The following PHYHD1 variants were observed in gnomAD, a reference collection of about 807,000 sequenced individuals.
PHYHD1 encodes phytanoyl-CoA dioxygenase domain containing 1, also known as phytanoyl-CoA dioxygenase domain-containing protein 1.
A neutral mutation model predicts 43.6 loss-of-function variants in PHYHD1; 42 were observed. The observed-to-expected ratio is 0.96, with a 90% CI of 0.75 to 1.25. The LOEUF is 1.25. PHYHD1 is among the 50% of genes most tolerant of loss of function. The pLI is 0.00. For missense variants in PHYHD1, 342 were observed against 370.8 expected (o/e 0.92, Z 0.64); for synonymous variants, 139 against 143.6 (o/e 0.97, Z 0.23).
intron 3 of PHYHD1, among the ~76,000 whole-genome samples, chr9:128,923,752 AGGTG>A (rs2131093688): frequency 6.6e-6 from 1 of 152,244 alleles, no homozygotes; most frequent in South Asian, 2.1e-4. Context: ...TGTGATGCCA[AGGTG>A]GGAGGATCGC....
At chr9:128,923,223 C>T (rs1406792082) in intron 3 of PHYHD1, among the ~76,000 whole-genome samples, 2 of 152,124 alleles carry the variant, frequency 1.3e-5, no homozygotes, top group East Asian at 1.9e-4. Context: ...GGATTACAGG[C>T]GTGAGCCACC....
At chr9:128,934,488 G>A (rs995860216) in intron 6 of PHYHD1, among the ~76,000 whole-genome samples, 11 of 151,926 alleles carry the variant, frequency 7.2e-5, no homozygotes, top group Non-Finnish European at 1.3e-4. Context: ...GCCCATAGTG[G>A]CTGGGCGTGG....
Position 128,922,315 on chromosome 9 carries a change from A to G in PHYHD1, c.-9A>G. The G allele has an allele frequency of 6.4e-7, 1 of 1,551,260 alleles. No individual in the cohort carries two copies. The highest frequency in any genetic ancestry group is 8.7e-7 in the Non-Finnish European group (1 of 1,147,296). ...CGCTTAGAAGCCGCCCAGTGCCCTG[A>G]GCGTCTCCATGGCCTGCCTGAGCCC... On this transcript the variant is annotated 5_prime_UTR_variant, in exon 3 of 13. Transcript: ENST00000372592.
chr9:128,934,558 C>G (rs111265351), intron 6 of PHYHD1, among the ~76,000 whole-genome samples: 2 of 151,924 alleles, frequency 1.3e-5, no homozygotes, highest in Non-Finnish European at 2.9e-5. Context: ...CACCTGAGGT[C>G]GGGAGTTCAA....
At chr9:128,933,747 T>A in intron 4 of PHYHD1, 35 bp from the exon 5 acceptor site, 3 of 1,600,650 alleles carry the variant, frequency 1.9e-6, no homozygotes, top group South Asian at 2.2e-5. Flanking sequence ...GACCCCAGGA[T>A]GCTGTCTCAG....
In PHYHD1 at chr9:128,927,123, T is replaced by C. The variant is rs753103659; in HGVS notation, c.119T>C (p.Val40Ala). 19 of 1,614,154 alleles carry C rather than the reference T, an allele frequency of 1.2e-5. No individual in the cohort carries two copies. Among genetic ancestry groups the C allele is most frequent in the Non-Finnish European group, 1.1e-5 (13 of 1,180,026 alleles). The change falls in exon 4 of 13, where the codon GTG becomes GCG. Residue 40 changes from valine (V) to alanine (A), a missense_variant. Val to Ala is a moderately conservative substitution (Grantham distance 64). Coordinates refer to ENST00000372592, the MANE Select transcript of PHYHD1 (RefSeq NM_001100876.2). ...ATGCAACAAAGGATTGGCGAGATAG[T>C]GGCTGAAATGGATGTTCCTCTCCAC... ...VAMQQRIGEI[V>A]AEMDVPLHCR...
chr9:128,931,825 C>CATTT, intron 4 of PHYHD1, among the ~76,000 whole-genome samples: 1 of 139,584 alleles, frequency 7.2e-6, no homozygotes, highest in South Asian at 2.3e-4. Context: ...CCTCGCCCGG[C>CATTT]CTTTCTTTCT....
At chr9:128,932,178 A>ATTTTTTTTTTT (rs200138931) in intron 4 of PHYHD1, among the ~76,000 whole-genome samples, 3 of 107,894 alleles carry the variant, frequency 2.8e-5, no homozygotes, top group African/African-American at 1.3e-4. Context: ...TGTTATTATT[A>ATTTTTTTTTTT]TTATTATTTT....
chr9:128,935,047 C>T (rs193242360), intron 6 of PHYHD1, among the ~76,000 whole-genome samples: 42 of 152,206 alleles, frequency 2.8e-4, no homozygotes, highest in Admixed American at 2.0e-3. Context: ...ATTCTGACAC[C>T]CCAAAGTCAA....
intron 3 of PHYHD1, 33 bp downstream of exon 3, chr9:128,922,389 A>G (rs1841020927): frequency 1.9e-6 from 3 of 1,546,176 alleles, no homozygotes; most frequent in African/African-American, 2.7e-5. Flanking sequence ...CGGGAGGGTC[A>G]TGGCGGGGGG....
chr9:128,932,178 A>ATTTTTTTTTTTTTTTT (rs200138931), intron 4 of PHYHD1, among the ~76,000 whole-genome samples: 3 of 107,894 alleles, frequency 2.8e-5, no homozygotes, highest in African/African-American at 9.0e-5. Context: ...TGTTATTATT[A>ATTTTTTTTTTTTTTTT]TTATTATTTT....
intron 6 of PHYHD1, among the ~76,000 whole-genome samples, chr9:128,935,747 CA>C (rs1300035936): frequency 1.3e-5 from 2 of 151,834 alleles, no homozygotes; most frequent in Non-Finnish European, 2.9e-5. Context: ...ACTAAAAATA[CA>C]ATAATTAGCT....
chr9:128,927,008 G>A (rs1254043661), intron 3 of PHYHD1, 30 bp from the exon 4 acceptor site: 1 of 1,614,020 alleles, frequency 6.2e-7, no homozygotes, highest in Non-Finnish European at 8.5e-7. Context: ...TTGCAGACTG[G>A]GGAAGCCTGA....
chr9:128,940,382 G>A lies in PHYHD1; in HGVS notation c.471G>A (p.Gln157=). The change falls in exon 10 of 13, where the codon CAG becomes CAA. Residue 157 remains glutamine (Q), a synonymous_variant. Transcript: ENST00000372592. Reference sequence around the variant, plus strand: ...GGGCCTGCTTAGTCTCCCCTCATCAGGACGCCTCCTTCCTGTACACGGAGC... The same window carrying A: ...GGGCCTGCTTAGTCTCCCCTCATCAAGACGCCTCCTTCCTGTACACGGAGC... The part of the protein sequence containing the change: ...PHFGGEVSPH[Q]DASFLYTEPL... 6.2e-7 allele frequency: 1 copy of A among 1,614,194 alleles called. No individual in the cohort carries two copies.
At chr9:128,930,084 C>A (rs1841232792) in intron 4 of PHYHD1, among the ~76,000 whole-genome samples, 1 of 151,802 alleles carries the variant, frequency 6.6e-6, no homozygotes. Context: ...TCAACACCAG[C>A]CTGAGCAACA....
intron 4 of PHYHD1, among the ~76,000 whole-genome samples, chr9:128,933,372 A>C (rs971514579): frequency 6.6e-6 from 1 of 151,822 alleles, no homozygotes; most frequent in African/African-American, 2.4e-5. Context: ...GCTGGTCTCG[A>C]ACTCCTGGCC....
chr9:128,936,686 T>C, intron 8 of PHYHD1, 41 bp downstream of exon 8: 1 of 1,543,412 alleles, frequency 6.5e-7, no homozygotes, highest in Non-Finnish European at 8.8e-7. Flanking sequence ...ATCTGTAAAA[T>C]GGGCAGACTG....
At chr9:128,934,767 T>TC (rs1841384927) in intron 6 of PHYHD1, among the ~76,000 whole-genome samples, 1 of 139,244 alleles carries the variant, frequency 7.2e-6, no homozygotes, top group South Asian at 2.4e-4. Flanking sequence ...AAACTCCGTC[T>TC]CAAAAAAAAA....
chr9:128,922,534 G>A (rs976538504), intron 3 of PHYHD1, among the ~76,000 whole-genome samples, 178 bp downstream of exon 3: 14 of 152,264 alleles, frequency 9.2e-5, no homozygotes, highest in Middle Eastern at 3.4e-3. Context: ...AGCCCTGGGT[G>A]TCTAGATCAC....
Sources: gnomAD v4.1 joint callset for allele counts (sites outside exome capture counted in the v4.1 genomes callset) on GRCh38, gnomAD v4.1.1 for gene constraint, MANE v1.5 for transcripts, NCBI Gene and HGNC (gene_info 2026-07-23, HGNC 2026-07-21) for gene names.